The following LRRC8B variants were observed in gnomAD, a reference collection of about 807,000 sequenced individuals.
LRRC8B encodes the protein volume-regulated anion channel subunit LRRC8B.
Under a neutral mutation model 58.8 loss-of-function variants are expected in LRRC8B, and 23 were observed. That is an observed-to-expected ratio of 0.39 (90% CI 0.28 to 0.55). The LOEUF is 0.55. LRRC8B is among the 20% of genes least tolerant of loss of function. The probability of loss-of-function intolerance (pLI) is 0.62; values close to 1 mark genes in which losing one functional copy is unlikely to be tolerated. For synonymous variants in LRRC8B, 359 were observed against 374.1 expected (o/e 0.96, Z 0.47); for missense variants, 694 against 936.0 (o/e 0.74, Z 3.37).
chr1:89,553,786 AAGGT>A (rs1651985162), intron 1 of LRRC8B, among the ~76,000 whole-genome samples: 1 of 152,110 alleles, frequency 6.6e-6, no homozygotes, highest in Non-Finnish European at 1.5e-5. Context: ...TTTATTTCTC[AAGGT>A]ACCTAGATAT....
intron 3 of LRRC8B, among the ~76,000 whole-genome samples, chr1:89,574,387 G>T (rs74098135): frequency 1.3e-5 from 2 of 152,228 alleles, no homozygotes; most frequent in South Asian, 2.1e-4. Flanking sequence ...CCAGGTGTCA[G>T]TGAAGGCCTG....
chr1:89,527,463 T>C (rs1485199417), intron 1 of LRRC8B, among the ~76,000 whole-genome samples: 1 of 152,258 alleles, frequency 6.6e-6, no homozygotes, highest in Non-Finnish European at 1.5e-5. Context: ...TCCACTGCTA[T>C]CCTGACTCCC....
Position 89,582,864 on chromosome 1 carries a change from A to G in LRRC8B, c.214A>G (p.Ile72Val). The change falls in exon 5 of 6, where the codon ATC becomes GTC. Residue 72 changes from isoleucine to valine, a missense_variant. This residue lies in a region of LRRC8B where 316 missense variants were observed against 403.8 expected (regional missense o/e 0.78). Coordinates refer to ENST00000330947, the MANE Select transcript of LRRC8B (RefSeq NM_001369817.2). The stretch of plus-strand genomic sequence containing the variant: ...CAATCACTGTGCCGTGCCTTGGGAC[A>G]TCCTGAAAGCCAGCATGAACACATC... ...FDNHCAVPWD[I>V]LKASMNTSSN... 1.9e-6 allele frequency: 3 copies of G among 1,614,196 alleles called. No homozygotes were observed. Among genetic ancestry groups the G allele is most frequent in the Non-Finnish European group, 2.5e-6 (3 of 1,180,036 alleles).
intron 3 of LRRC8B, among the ~76,000 whole-genome samples, chr1:89,571,457 C>T (rs946211023): frequency 6.6e-6 from 1 of 152,010 alleles, no homozygotes; most frequent in Non-Finnish European, 1.5e-5. Flanking sequence ...CTTTTTGTGC[C>T]AGTTGTAAAT....
chr1:89,563,374 A>G (rs1557608102), intron 1 of LRRC8B, among the ~76,000 whole-genome samples: 1 of 152,228 alleles, frequency 6.6e-6, no homozygotes, highest in Non-Finnish European at 1.5e-5. Context: ...GACTGGGATT[A>G]TAGACATTGC....
chr1:89,584,456 T>C lies in LRRC8B; in HGVS notation c.1806T>C (p.His602=). 6.2e-7 allele frequency: 1 copy of C among 1,614,166 alleles called. No individual in the cohort carries two copies. Among genetic ancestry groups the C allele is most frequent in the Non-Finnish European group, 8.5e-7 (1 of 1,180,030 alleles). ...LISCDLERIP[H]SIFSLNNLHE... ...GCTGTGACCTGGAACGCATCCCACA[T>C]TCCATTTTCAGCCTGAATAATTTGC... The change falls in exon 5 of 6, where the codon CAT becomes CAC. Residue 602 remains histidine (H), a synonymous_variant. Coordinates refer to ENST00000330947, the MANE Select transcript of LRRC8B (RefSeq NM_001369817.2).
chr1:89,571,931 C>G (rs148009194), intron 3 of LRRC8B, among the ~76,000 whole-genome samples: 6 of 152,180 alleles, frequency 3.9e-5, no homozygotes, highest in Middle Eastern at 3.4e-3. Context: ...CCATTTGATT[C>G]AGTGCTGAGT....
At chr1:89,541,851 C>T (rs1325848163) in intron 1 of LRRC8B, among the ~76,000 whole-genome samples, 1 of 151,124 alleles carries the variant, frequency 6.6e-6, no homozygotes, top group Non-Finnish European at 1.5e-5. Flanking sequence ...TTCTACTCTA[C>T]CACATGCCTG....
rs1005060692 is a variant in LRRC8B, at chr1:89,541,295, T to C, written c.-241+16273T>C. On this transcript the variant is annotated intron_variant, in intron 1 of 5. Transcript: ENST00000330947. ...TTGTATTTGTGAGGAGCTTATTCTT[T>C]CATGGATTGCTGTTCTCTAAAACCT... Among the ~76,000 whole-genome samples the C allele has an allele frequency of 1.2e-4, 18 of 152,330 alleles. No homozygotes were observed. The South Asian group carries it at 1.2e-3, about 11-fold the overall frequency.
At chr1:89,545,615 A>G (rs1570576044) in intron 1 of LRRC8B, among the ~76,000 whole-genome samples, 2 of 152,240 alleles carry the variant, frequency 1.3e-5, no homozygotes, top group South Asian at 2.1e-4. Context: ...TATAAAACCA[A>G]TTGGATATCC....
At chr1:89,535,933 G>A (rs926379231) in intron 1 of LRRC8B, among the ~76,000 whole-genome samples, 3 of 152,038 alleles carry the variant, frequency 2.0e-5, no homozygotes, top group African/African-American at 7.2e-5. Flanking sequence ...GAGAGGGAGA[G>A]GACAACAGTT....
At chr1:89,545,239 T>A (rs915902303) in intron 1 of LRRC8B, among the ~76,000 whole-genome samples, 1 of 152,194 alleles carries the variant, frequency 6.6e-6, no homozygotes, top group African/African-American at 2.4e-5. Context: ...CTTCTTGTTG[T>A]CTAGTGATAT....
chr1:89,525,610 T>C (rs1649627835), intron 1 of LRRC8B, among the ~76,000 whole-genome samples: 1 of 152,204 alleles, frequency 6.6e-6, no homozygotes, highest in Admixed American at 6.5e-5. Context: ...CGTTACCAAT[T>C]TAAGAAGAAG....
intron 3 of LRRC8B, among the ~76,000 whole-genome samples, chr1:89,573,055 C>T (rs1231811095): frequency 6.6e-6 from 1 of 152,142 alleles, no homozygotes; most frequent in East Asian, 1.9e-4. Flanking sequence ...AATCCCAGCA[C>T]TTTGGGAGGC....
chr1:89,591,379 T>C (rs1003494561), intron 5 of LRRC8B, among the ~76,000 whole-genome samples: 10 of 152,176 alleles, frequency 6.6e-5, no homozygotes, highest in Admixed American at 1.3e-4. Context: ...TTTCTTCTCA[T>C]CTCTCTGCCT....
At chr1:89,562,174 CA>C in intron 1 of LRRC8B, among the ~76,000 whole-genome samples, 1 of 151,756 alleles carries the variant, frequency 6.6e-6, no homozygotes, top group African/African-American at 2.4e-5. Context: ...CACACACACA[CA>C]CACACACCCT....
Position 89,578,696 on chromosome 1 carries a change from A to G in LRRC8B, c.-124-895A>G, listed in dbSNP as rs942488613. On this transcript the variant is annotated intron_variant, in intron 3 of 5. Coordinates refer to ENST00000330947, the MANE Select transcript of LRRC8B (RefSeq NM_001369817.2). ...GGTCAGTACTCTTAGGAAGATTTGA[A>G]GTACTTTTTAAAAAGGATTGTATAA... Among the ~76,000 whole-genome samples the G allele has an allele frequency of 4.6e-5, 7 of 152,288 alleles. No individual in the cohort carries two copies. The South Asian group carries it at 6.2e-4, about 14-fold the overall frequency.
chr1:89,542,374 G>T (rs1453593170), intron 1 of LRRC8B, among the ~76,000 whole-genome samples: 1 of 152,148 alleles, frequency 6.6e-6, no homozygotes, highest in African/African-American at 2.4e-5. Context: ...TTTAATCTTT[G>T]TCTCTGTCAC....
At position 89,596,310 on chromosome 1, in the gene LRRC8B, A is replaced by G. The variant is rs1655300854; in HGVS notation, c.*3267A>G. ...TTTTCATTCTTCACTCCCAGTCTTA[A>G]TTTCTTTCCCCTGTATGTCACTGTA... On this transcript the variant is annotated 3_prime_UTR_variant, in exon 6 of 6. Coordinates refer to ENST00000330947, the MANE Select transcript of LRRC8B (RefSeq NM_001369817.2). 1 of 152,036 alleles carries G rather than the reference A, an allele frequency of 6.6e-6. No homozygotes were observed. Among genetic ancestry groups the G allele is most frequent in the Non-Finnish European group, 1.5e-5 (1 of 67,938 alleles). 9.4% of individuals were successfully genotyped at this position (152,036 alleles called of 1,614,324 possible).
Sources: gnomAD v4.1 joint callset for allele counts (sites outside exome capture counted in the v4.1 genomes callset) on GRCh38, gnomAD v4.1.1 for gene constraint, gnomAD v4.1.1 regional missense constraint, MANE v1.5 for transcripts, NCBI Gene and HGNC (gene_info 2026-07-23, HGNC 2026-07-21) for gene names.